The following LITAF variants were observed in gnomAD, a reference collection of about 807,000 sequenced individuals.
LITAF encodes lipopolysaccharide-induced tumor necrosis factor-alpha factor.
A neutral mutation model predicts 14.5 loss-of-function variants in LITAF; 9 were observed. That is an observed-to-expected ratio of 0.62 (90% CI 0.37 to 1.08). The LOEUF (loss-of-function observed/expected upper bound fraction) is 1.08, where lower values mean the gene tolerates loss of function less well. Among genes scored for constraint, LITAF ranks in the 50% least tolerant of loss-of-function variants. The pLI, the probability that LITAF is intolerant of heterozygous loss-of-function variation, is 0.01. For missense variants in LITAF, 206 were observed against 213.4 expected, an observed-to-expected ratio of 0.97 and a Z score of 0.22; for synonymous variants, 98 against 88.2, an observed-to-expected ratio of 1.11 and a Z score of -0.62.
chr16:11,553,240 G>A lies in LITAF; in HGVS notation c.377+293C>T, dbSNP rs1370377518. ...TTGAGACCAGCCTGGCCAAGATGGTGAAATGCCAGCTCTACTAAAAATAAG... is the reference window on the plus strand; with the variant it reads ...TTGAGACCAGCCTGGCCAAGATGGTAAAATGCCAGCTCTACTAAAAATAAG... On this transcript the variant is annotated intron_variant, in intron 3 of 3. Transcript: ENST00000622633. The surrounding 1 kb of genome is among the most constrained non-coding windows in gnomAD (Gnocchi z 7.7). Among the ~76,000 whole-genome samples the A allele has an allele frequency of 6.6e-6, 1 of 152,098 alleles. No individual in the cohort carries two copies. The highest frequency in any genetic ancestry group is 1.5e-5 in the Non-Finnish European group (1 of 68,008).
upstream of LITAF, among the ~76,000 whole-genome samples, chr16:11,591,332 G>A (rs1056015271): frequency 8.7e-6 from 1 of 114,812 alleles, no homozygotes; most frequent in Non-Finnish European, 1.7e-5. Flanking sequence ...CTACAGGTGC[G>A]CACCACCATG....
chr16:11,591,713 T>C (rs1402515624), upstream of LITAF, among the ~76,000 whole-genome samples: 3 of 152,116 alleles, frequency 2.0e-5, no homozygotes, highest in African/African-American at 7.2e-5. Flanking sequence ...TGATCTTGGC[T>C]CACTGCAACA....
chr16:11,633,856 G>C (rs760452120), intron 2 of LITAF, among the ~76,000 whole-genome samples: 3 of 152,130 alleles, frequency 2.0e-5, no homozygotes, highest in Non-Finnish European at 4.4e-5. Context: ...CCCTCTCTTG[G>C]AGTCTGGATC....
chr16:11,554,267 T>C (rs910407150), intron 2 of LITAF, among the ~76,000 whole-genome samples: 11 of 152,056 alleles, frequency 7.2e-5, no homozygotes, highest in Non-Finnish European at 1.3e-4. Context: ...AGCCTCACAC[T>C]GTGCCTAGCA....
intron 1 of LITAF, among the ~76,000 whole-genome samples, chr16:11,560,093 T>C (rs1416448700): frequency 6.6e-6 from 1 of 152,076 alleles, no homozygotes; most frequent in Non-Finnish European, 1.5e-5. Flanking sequence ...GGTCAGGAGT[T>C]TGAGACCAGC....
rs571025400 is a variant in LITAF, at chr16:11,615,398, A to T, written c.85+18135T>A. On this transcript the variant is annotated intron_variant, in intron 3 of 3. Coordinates refer to the LITAF transcript ENST00000574848. ...CTAAAAATACAAAAATTAGCCTGGC[A>T]TGGTGGTGCATGCCTGTAATCCCAC... Among the ~76,000 whole-genome samples, 62 of 152,260 alleles carry T rather than the reference A, an allele frequency of 4.1e-4. 1 individual carries two copies. The South Asian group carries it at 4.4e-3, about 11-fold the overall frequency.
intron 1 of LITAF, among the ~76,000 whole-genome samples, chr16:11,565,951 C>T (rs1199595558): frequency 1.3e-5 from 2 of 151,936 alleles, no homozygotes; most frequent in Non-Finnish European, 2.9e-5. Context: ...CTGGGTTCCT[C>T]CAGGCGCCCC....
exon 2 of LITAF, chr16:11,635,942 T>G (rs1473804308): frequency 6.6e-6 from 1 of 152,296 alleles, no homozygotes; most frequent in East Asian, 1.9e-4. Context: ...ACAGGAGATG[T>G]GGCTGGAGGG....
chr16:11,569,996 C>T (rs1443449675), intron 1 of LITAF, among the ~76,000 whole-genome samples: 1 of 150,090 alleles, frequency 6.7e-6, no homozygotes, highest in Non-Finnish European at 1.5e-5. Flanking sequence ...CACTGCTGCA[C>T]TCCCGCCTGG....
intron 3 of LITAF, among the ~76,000 whole-genome samples, chr16:11,628,822 G>A (rs755633763): frequency 3.9e-5 from 6 of 152,162 alleles, no homozygotes; most frequent in East Asian, 1.9e-4. Context: ...GATTTCAGGC[G>A]CACACCACCA....
chr16:11,620,569 G>T (rs1038832875), intron 3 of LITAF, among the ~76,000 whole-genome samples: 3 of 152,164 alleles, frequency 2.0e-5, no homozygotes, highest in Admixed American at 1.3e-4. Flanking sequence ...TTACAGCAAT[G>T]CAAGAATGCC....
chr16:11,567,248 C>T (rs1163378838), intron 1 of LITAF, among the ~76,000 whole-genome samples: 12 of 151,694 alleles, frequency 7.9e-5, no homozygotes, highest in Non-Finnish European at 1.8e-4. Flanking sequence ...GGCAAAACCT[C>T]GTCTCTACTA....
At chr16:11,616,856 G>A (rs1477967202) in intron 3 of LITAF, among the ~76,000 whole-genome samples, 1 of 149,594 alleles carries the variant, frequency 6.7e-6, no homozygotes, top group Non-Finnish European at 1.5e-5. Flanking sequence ...AGGCTGCAGT[G>A]AGCTGTGACT....
At chr16:11,638,657 C>T (rs144844342), upstream of LITAF, among the ~76,000 whole-genome samples, 116 of 137,322 alleles carry the variant, frequency 8.4e-4, 1 homozygote, top group African/African-American at 3.0e-3. Context: ...GCTGAGATCA[C>T]GCCTCTGCAC....
At chr16:11,622,975 T>G (rs146361223) in intron 3 of LITAF, among the ~76,000 whole-genome samples, 8,980 of 149,634 alleles carry the variant, frequency 0.06, 425 homozygotes, top group African/African-American at 0.13. Context: ...TATATATAAT[T>G]TTTTTTTTGA....
At chr16:11,564,031 C>G (rs917885306) in intron 1 of LITAF, among the ~76,000 whole-genome samples, 4 of 151,960 alleles carry the variant, frequency 2.6e-5, no homozygotes, top group East Asian at 1.9e-4. Context: ...CTCAGCCTCC[C>G]GAGAAGCTGG....
At chr16:11,593,916 C>A (rs2064864825) in intron 1 of LITAF, among the ~76,000 whole-genome samples, 1 of 152,092 alleles carries the variant, frequency 6.6e-6, no homozygotes, top group Non-Finnish European at 1.5e-5. Flanking sequence ...GTGGCTCATG[C>A]CTGTAATTCC....
chr16:11,612,509 G>T (rs760372151), intron 3 of LITAF, among the ~76,000 whole-genome samples: 3 of 152,244 alleles, frequency 2.0e-5, no homozygotes, highest in African/African-American at 4.8e-5. Context: ...ACCTCGTGTG[G>T]GTCACCTGCG....
chr16:11,587,511 C>A (rs1318440973), upstream of LITAF: 3 of 452,230 alleles, frequency 6.6e-6, no homozygotes, highest in African/African-American at 4.0e-5. Context: ...AATAGCGGTC[C>A]TGTCTCCTAA....
Sources: gnomAD v4.1 joint callset for allele counts (sites outside exome capture counted in the v4.1 genomes callset) on GRCh38, gnomAD v4.1.1 for gene constraint, Gnocchi (gnomAD v3.1) non-coding constraint, MANE v1.5 for transcripts, NCBI Gene and HGNC (gene_info 2026-07-23, HGNC 2026-07-21) for gene names.